OR8D1: variants seen among roughly 807,000 people sequenced by gnomAD.
OR8D1 encodes the protein olfactory receptor family 8 subfamily D member 1, also known as olfactory receptor 8D1.
For missense variants in OR8D1, 384 were observed against 366.8 expected (o/e 1.05, Z -0.38); for synonymous variants, 143 against 147.0 (o/e 0.97, Z 0.20).
At position 124,310,191 on chromosome 11, in the gene OR8D1, T is replaced by G; in HGVS notation, c.576A>C (p.Thr192=). Reference sequence around the variant, plus strand: ...TAAAAAGTAGAAGCTCATTGAGGTGTGTGTTGGAGCAGGAGAGATTGAGGA... The same window carrying G: ...TAAAAAGTAGAAGCTCATTGAGGTGGGTGTTGGAGCAGGAGAGATTGAGGA... ...LPLLNLSCSN[T]HLNELLLFII... Residue 192 remains threonine (T), a synonymous_variant, in exon 3 of 3, where the codon ACA becomes ACC. Coordinates refer to ENST00000641015, the MANE Select transcript of OR8D1 (RefSeq NM_001002917.2). The G allele has an allele frequency of 6.2e-7, 1 of 1,613,650 alleles. No homozygotes were observed. The highest frequency in any genetic ancestry group is 8.5e-7 in the Non-Finnish European group (1 of 1,179,880).
chr11:124,313,352 A>G (rs1330114042), intron 1 of OR8D1, among the ~76,000 whole-genome samples: 1 of 152,046 alleles, frequency 6.6e-6, no homozygotes, highest in Non-Finnish European at 1.5e-5. Flanking sequence ...GAGGAAAGAA[A>G]AAGAAAAAAA....
In OR8D1 at chr11:124,309,829, C is replaced by A. The variant is rs1026590890; in HGVS notation, c.*11G>T. On this transcript the variant is annotated 3_prime_UTR_variant, in exon 3 of 3. Transcript: ENST00000641015. Reference sequence around the variant, plus strand: ...TCATTTTTCCCATCTATAAATCCCCCAAATCAGGACTCATTTTCCTACTAA... The same window carrying A: ...TCATTTTTCCCATCTATAAATCCCCAAAATCAGGACTCATTTTCCTACTAA... 7.9e-6 allele frequency: 11 copies of A among 1,396,898 alleles called. No individual in the cohort carries two copies. Among genetic ancestry groups the A allele is most frequent in the Non-Finnish European group, 1.0e-5 (11 of 1,063,274 alleles). The allele number at this position is 1,396,898 out of a possible 1,614,324, so 86.5% of individuals were successfully genotyped here. A position where few individuals can be genotyped will look rare whatever the true frequency, so the allele number is the denominator to read the frequency against.
In OR8D1 at chr11:124,309,850, ACTAAGACCTTC is replaced by A. The variant is rs749924867; in HGVS notation, c.906_916del (p.Arg302SerfsTer12). ...CCCCCAAATCAGGACTCATTTTCCT[ACTAAGACCTTC>A]CTTAATGCTTTCTTCACATCCTTAT... On this transcript the variant is annotated frameshift_variant, in exon 3 of 3. Coordinates refer to ENST00000641015, the MANE Select transcript of OR8D1 (RefSeq NM_001002917.2). LOFTEE classifies it high-confidence loss of function. The A allele has an allele frequency of 1.4e-6, 2 of 1,451,734 alleles. No homozygotes were observed. The highest frequency in any genetic ancestry group is 3.6e-5 in the South Asian group (2 of 55,364). The allele number at this position is 1,451,734 out of a possible 1,614,324, so 89.9% of individuals were successfully genotyped here.
chr11:124,308,048 A>G lies in OR8D1; in HGVS notation c.*1792T>C, dbSNP rs1241688083. The stretch of plus-strand genomic sequence containing the variant: ...CAATTGAATTATTGCAAAGCTAACA[A>G]CTAAGAATACAGTTTTAAAATCTGG... On this transcript the variant is annotated 3_prime_UTR_variant, in exon 3 of 3. Transcript: ENST00000641015. 6.6e-6 allele frequency: 1 copy of G among 152,180 alleles called. No homozygotes were observed. The highest frequency in any genetic ancestry group is 1.9e-4 in the East Asian group (1 of 5,198). 9.4% of individuals were successfully genotyped at this position (152,180 alleles called of 1,614,324 possible).
At chr11:124,310,985 G>A (rs1862416783) in intron 2 of OR8D1, 1 of 493,056 alleles carries the variant, frequency 2.0e-6, no homozygotes, top group Non-Finnish European at 3.6e-6. Flanking sequence ...TTACAAAAAA[G>A]TACTTCCTGA....
chr11:124,309,750 T>C lies in OR8D1; in HGVS notation c.*90A>G. 1 of 689,980 alleles carries C rather than the reference T, an allele frequency of 1.4e-6. No individual in the cohort carries two copies. Among genetic ancestry groups the C allele is most frequent in the African/African-American group, 1.8e-5 (1 of 55,494 alleles). The allele number at this position is 689,980 out of a possible 1,614,324, so 42.7% of individuals were successfully genotyped here. On this transcript the variant is annotated 3_prime_UTR_variant, in exon 3 of 3. Transcript: ENST00000641015. The stretch of plus-strand genomic sequence containing the variant: ...TTTAAAATCTAGATATTATGTATGT[T>C]ACAACAGAAGAACATGAAAATAGAA...
chr11:124,311,559 C>G lies in OR8D1; in HGVS notation c.-17+13G>C, dbSNP rs995863250. On this transcript the variant is annotated intron_variant, in intron 2 of 2. Transcript: ENST00000641015. ...CCCTGACTTACGAGATCCGCACACC[C>G]CACAGAACAGACCTTACGGTGGCAG... 1 of 152,364 alleles carries G rather than the reference C, an allele frequency of 6.6e-6. No individual in the cohort carries two copies. The highest frequency in any genetic ancestry group is 2.4e-5 in the African/African-American group (1 of 41,440). 9.4% of individuals were successfully genotyped at this position (152,364 alleles called of 1,614,324 possible). A position where few individuals can be genotyped will look rare whatever the true frequency, so the allele number is the denominator to read the frequency against.
rs969487290 is a variant in OR8D1, at chr11:124,305,350, A to G, written c.*4490T>C. 3 of 151,872 alleles carry G rather than the reference A, an allele frequency of 2.0e-5. No individual in the cohort carries two copies. Among genetic ancestry groups the G allele is most frequent in the African/African-American group, 7.2e-5 (3 of 41,410 alleles). 9.4% of individuals were successfully genotyped at this position (151,872 alleles called of 1,614,324 possible). On this transcript the variant is annotated 3_prime_UTR_variant, in exon 3 of 3. Coordinates refer to ENST00000641015, the MANE Select transcript of OR8D1 (RefSeq NM_001002917.2). ...GTATATACTGTATGGCCTTATAAAC[A>G]CAAAATTCTTGGAAATGCTAATAAT...
At chr11:124,312,642 TG>T (rs962082067) in intron 1 of OR8D1, among the ~76,000 whole-genome samples, 1 of 151,240 alleles carries the variant, frequency 6.6e-6, no homozygotes, top group Non-Finnish European at 1.5e-5. Flanking sequence ...CTAAGCCTCC[TG>T]AGTAGGTGGG....
rs907425229 is a variant in OR8D1 at position 124,309,780 on chromosome 11, G to A, written c.*60C>T. 6 of 939,318 alleles carry A rather than the reference G, an allele frequency of 6.4e-6. No homozygotes were observed. In the Admixed American group the frequency reaches 1.4e-4, roughly 22 times the overall value. The allele number at this position is 939,318 out of a possible 1,614,324, so 58.2% of individuals were successfully genotyped here. On this transcript the variant is annotated 3_prime_UTR_variant, in exon 3 of 3. Transcript: ENST00000641015. ...CAGAAGAACATGAAAATAGAAAAAA[G>A]GAATATATGTTCATTGGAACTATTC...
rs1862395317 is a variant in OR8D1 at position 124,309,321 on chromosome 11, T to C, written c.*519A>G. The C allele has an allele frequency of 6.6e-6, 1 of 152,152 alleles. No homozygotes were observed. Among genetic ancestry groups the C allele is most frequent in the South Asian group, 2.1e-4 (1 of 4,826 alleles). The allele number at this position is 152,152 out of a possible 1,614,324, so 9.4% of individuals were successfully genotyped here. On this transcript the variant is annotated 3_prime_UTR_variant, in exon 3 of 3. Transcript: ENST00000641015. Reference sequence around the variant, plus strand: ...TTCGAATAAGACCTGCTGACTAGAATTGCCATTCTTGTTCTTAACTTTTTC... The same window carrying C: ...TTCGAATAAGACCTGCTGACTAGAACTGCCATTCTTGTTCTTAACTTTTTC...
chr11:124,309,305 G>C lies in OR8D1; in HGVS notation c.*535C>G, dbSNP rs1862395168. On this transcript the variant is annotated 3_prime_UTR_variant, in exon 3 of 3. Transcript: ENST00000641015. The stretch of plus-strand genomic sequence containing the variant: ...AAAATAGTAAAAGCGATTCGAATAA[G>C]ACCTGCTGACTAGAATTGCCATTCT... 1 of 151,942 alleles carries C rather than the reference G, an allele frequency of 6.6e-6. No individual in the cohort carries two copies. Among genetic ancestry groups the C allele is most frequent in the African/African-American group, 2.4e-5 (1 of 41,384 alleles). 9.4% of individuals were successfully genotyped at this position (151,942 alleles called of 1,614,324 possible).
chr11:124,313,147 G>A (rs1333373490), intron 1 of OR8D1, among the ~76,000 whole-genome samples: 3 of 150,526 alleles, frequency 2.0e-5, no homozygotes, highest in Non-Finnish European at 3.0e-5. Flanking sequence ...GCACTCCAGC[G>A]CGGGTGACAG....
rs1270927214 is a variant in OR8D1 at position 124,310,709 on chromosome 11, G to C, written c.58C>G (p.Gln20Glu). 1 of 1,613,762 alleles carries C rather than the reference G, an allele frequency of 6.2e-7. No individual in the cohort carries two copies. Among genetic ancestry groups the C allele is most frequent in the South Asian group, 1.1e-5 (1 of 91,068 alleles). ...AQFVLDGLTQ[Q>E]AELQLPLFLL... ...AAGAGGGGCAGCTGGAGCTCTGCTTGCTGTGTTAAACCATCTAAGACAAAC... is the reference window on the plus strand; with the variant it reads ...AAGAGGGGCAGCTGGAGCTCTGCTTCCTGTGTTAAACCATCTAAGACAAAC... Residue 20 changes from glutamine to glutamate, a missense_variant, in exon 3 of 3, where the codon CAA becomes GAA. Coordinates refer to ENST00000641015, the MANE Select transcript of OR8D1 (RefSeq NM_001002917.2).
At position 124,310,397 on chromosome 11, in the gene OR8D1, C is replaced by G. The variant is rs758329872; in HGVS notation, c.370G>C (p.Val124Leu). 6.2e-7 allele frequency: 1 copy of G among 1,613,424 alleles called. No individual in the cohort carries two copies. The highest frequency in any genetic ancestry group is 1.7e-5 in the Admixed American group (1 of 59,866). The part of the protein sequence containing the change: ...LLTAMAYDRY[V>L]AICSPLLYNA... ...TAAAGCAGTGGGCTACAGATGGCAA[C>G]ATAGCGATCATATGCCATGGCAGTC... The change falls in exon 3 of 3, where the codon GTT (valine) becomes CTT (leucine). Residue 124 changes from valine (V) to leucine (L), a missense_variant. Physicochemically the swap from Val to Leu is conservative, Grantham distance 32 (BLOSUM62 1). Transcript: ENST00000641015.
chr11:124,313,355 GAAA>G (rs764068004), intron 1 of OR8D1, among the ~76,000 whole-genome samples: 4 of 151,720 alleles, frequency 2.6e-5, no homozygotes, highest in African/African-American at 7.3e-5. Flanking sequence ...GAAAGAAAAA[GAAA>G]AAAAGAAAGA....
chr11:124,311,136 C>T (rs1298582403), intron 2 of OR8D1, among the ~76,000 whole-genome samples: 2 of 152,062 alleles, frequency 1.3e-5, no homozygotes, highest in South Asian at 2.1e-4. Flanking sequence ...TTTCAATTTC[C>T]CCAGTTTTCT....
Position 124,305,453 on chromosome 11 carries a change from G to A in OR8D1, c.*4387C>T, listed in dbSNP as rs1862360964. Reference sequence around the variant, plus strand: ...TGAGGGAAGGATTATAATGGAGTATGAGAAAAGTTTGTATACAGTTCAAAA... The same window carrying A: ...TGAGGGAAGGATTATAATGGAGTATAAGAAAAGTTTGTATACAGTTCAAAA... On this transcript the variant is annotated 3_prime_UTR_variant, in exon 3 of 3. Transcript: ENST00000641015. 1 of 151,356 alleles carries A rather than the reference G, an allele frequency of 6.6e-6. No homozygotes were observed. The highest frequency in any genetic ancestry group is 2.1e-4 in the South Asian group (1 of 4,802). 9.4% of individuals were successfully genotyped at this position (151,356 alleles called of 1,614,324 possible).
Position 124,307,580 on chromosome 11 carries a change from T to C in OR8D1, c.*2260A>G, listed in dbSNP as rs538654827. On this transcript the variant is annotated 3_prime_UTR_variant, in exon 3 of 3. Transcript: ENST00000641015. ...TAATCCTAAGTAATTGTAGGCTGGA[T>C]AGTTTGAGCAACCTTAGCAACTGCG... 2 of 152,248 alleles carry C rather than the reference T, an allele frequency of 1.3e-5. No individual in the cohort carries two copies. The highest frequency in any genetic ancestry group is 3.9e-4 in the East Asian group (2 of 5,164). 9.4% of individuals were successfully genotyped at this position (152,248 alleles called of 1,614,324 possible).
Sources: gnomAD v4.1 joint callset for allele counts (sites outside exome capture counted in the v4.1 genomes callset) on GRCh38, gnomAD v4.1.1 for gene constraint, MANE v1.5 for transcripts, NCBI Gene and HGNC (gene_info 2026-07-23, HGNC 2026-07-21) for gene names.